AFF3: variants seen among roughly 807,000 people sequenced by gnomAD.
AFF3 encodes ALF transcription elongation factor 3.
Under a neutral mutation model 129.7 loss-of-function variants are expected in AFF3, and 32 were observed. The ratio of observed to expected loss-of-function variants is 0.25; its 90% CI spans 0.19 to 0.33. AFF3 has a LOEUF of 0.33. Ranked by LOEUF, AFF3 falls within the 10% of genes least tolerant of loss-of-function variation. The pLI is 1.00. For synonymous variants in AFF3, 644 were observed against 635.4 expected (o/e 1.01, Z -0.20); for missense variants, 1,373 against 1,592.0 (o/e 0.86, Z 2.34).
chr2:99,612,472 C>T (rs1256897235), intron 13 of AFF3, among the ~76,000 whole-genome samples: 1 of 152,124 alleles, frequency 6.6e-6, no homozygotes, highest in Non-Finnish European at 1.5e-5. Flanking sequence ...TACACAGCCT[C>T]GTGAGAAAAA....
chr2:100,058,288 T>C (rs1573289655), intron 4 of AFF3, among the ~76,000 whole-genome samples: 1 of 152,156 alleles, frequency 6.6e-6, no homozygotes, highest in Non-Finnish European at 1.5e-5. Context: ...TTACCACGGG[T>C]CTTCTGCACT....
chr2:99,957,169 ACGTGTGTGTGTG>A (rs759803082), intron 7 of AFF3, among the ~76,000 whole-genome samples: 4 of 148,680 alleles, frequency 2.7e-5, no homozygotes, highest in Non-Finnish European at 5.9e-5. Flanking sequence ...GTGTGCATGT[ACGTGTGTGTGTG>A]CGTGTGTGTG....
At chr2:99,996,561 T>C (rs1680852509) in intron 7 of AFF3, among the ~76,000 whole-genome samples, 2 of 147,194 alleles carry the variant, frequency 1.4e-5, no homozygotes, top group Admixed American at 1.4e-4. Context: ...TTTGTATTTT[T>C]AGTAGAGACG....
intron 11 of AFF3, among the ~76,000 whole-genome samples, chr2:99,693,521 T>C (rs1005684423): frequency 3.3e-5 from 5 of 152,144 alleles, no homozygotes; most frequent in African/African-American, 1.2e-4. Flanking sequence ...GAAGTCTAGA[T>C]GATTTCAGCC....
intron 8 of AFF3, among the ~76,000 whole-genome samples, chr2:99,787,893 T>C (rs532359731): frequency 1.3e-5 from 2 of 152,296 alleles, no homozygotes; most frequent in East Asian, 3.9e-4. Flanking sequence ...CTAGACAGCA[T>C]ATATGAAATC....
At chr2:99,996,380 T>C (rs1049304395) in intron 7 of AFF3, among the ~76,000 whole-genome samples, 2 of 152,052 alleles carry the variant, frequency 1.3e-5, no homozygotes, top group African/African-American at 4.8e-5. Context: ...GAACCACAGG[T>C]GATTTTTTTC....
intron 11 of AFF3, among the ~76,000 whole-genome samples, chr2:99,677,002 C>T (rs139893566): frequency 6.6e-6 from 1 of 152,260 alleles, no homozygotes; most frequent in Non-Finnish European, 1.5e-5. Context: ...CACGCGGTGG[C>T]TTGTTCCTGT....
At chr2:100,034,550 G>A (rs1383508854) in intron 4 of AFF3, among the ~76,000 whole-genome samples, 1 of 150,488 alleles carries the variant, frequency 6.6e-6, no homozygotes, top group African/African-American at 2.4e-5. Flanking sequence ...TTTTTAATCT[G>A]CAAAAACTAA....
At chr2:100,098,580 A>T (rs1690460841) in intron 4 of AFF3, among the ~76,000 whole-genome samples, 1 of 140,474 alleles carries the variant, frequency 7.1e-6, no homozygotes, top group Non-Finnish European at 1.5e-5. Context: ...CCCAAAATAG[A>T]TTCTTAGCAT....
chr2:99,711,664 C>T (rs933957389), intron 11 of AFF3, among the ~76,000 whole-genome samples: 4 of 152,186 alleles, frequency 2.6e-5, no homozygotes, highest in Admixed American at 6.5e-5. Flanking sequence ...AGACGCACAG[C>T]GAATGTATGT....
At chr2:100,077,352 T>G (rs916309510) in intron 4 of AFF3, among the ~76,000 whole-genome samples, 1 of 152,032 alleles carries the variant, frequency 6.6e-6, no homozygotes, top group African/African-American at 2.4e-5. Flanking sequence ...GTTAGACAAG[T>G]GAGGGCCAGA....
At chr2:100,006,490 C>A in intron 7 of AFF3, 142 bp downstream of exon 7, 1 of 1,070,940 alleles carries the variant, frequency 9.3e-7, no homozygotes, top group East Asian at 2.4e-5. Context: ...TCTGCCTCCC[C>A]TTTCAGTGAC....
intron 4 of AFF3, among the ~76,000 whole-genome samples, chr2:100,039,463 CAAG>C (rs1685245978): frequency 6.6e-6 from 1 of 151,974 alleles, no homozygotes; most frequent in Non-Finnish European, 1.5e-5. Context: ...GAGGCTGAGG[CAAG>C]AAGATCACTT....
At chr2:99,688,302 C>T (rs1675272365) in intron 11 of AFF3, among the ~76,000 whole-genome samples, 1 of 152,144 alleles carries the variant, frequency 6.6e-6, no homozygotes, top group South Asian at 2.1e-4. Context: ...CCATGTGCTG[C>T]CCATGGTAGT....
At chr2:100,016,419 A>G (rs1199774360) in intron 4 of AFF3, among the ~76,000 whole-genome samples, 7 of 103,416 alleles carry the variant, frequency 6.8e-5, no homozygotes, top group African/African-American at 2.4e-4. Context: ...TCATGGTGGT[A>G]GTGGTGGCAG....
intron 10 of AFF3, among the ~76,000 whole-genome samples, chr2:99,732,994 G>C (rs555821293): frequency 6.6e-6 from 1 of 151,986 alleles, no homozygotes; most frequent in African/African-American, 2.4e-5. Context: ...TTATTTTTTA[G>C]TATTAATTTC....
chr2:99,882,848 A>G (rs1692823914), intron 7 of AFF3, among the ~76,000 whole-genome samples: 1 of 152,206 alleles, frequency 6.6e-6, no homozygotes, highest in Non-Finnish European at 1.5e-5. Context: ...GCACATTTTG[A>G]CGGGCACATC....
At chr2:99,784,899 G>A (rs995080391) in intron 8 of AFF3, among the ~76,000 whole-genome samples, 6 of 152,216 alleles carry the variant, frequency 3.9e-5, no homozygotes. Flanking sequence ...CTGATCAGGA[G>A]GTTGTGTTCA....
rs556836314 is a variant in AFF3 at position 99,682,223 on chromosome 2, C to T, written c.1092-9634G>A. 7.2e-4 allele frequency among the ~76,000 whole-genome samples: 109 copies of T among 152,232 alleles called. No homozygotes were observed. In the South Asian group the frequency reaches 0.019, roughly 26 times the overall value. The stretch of plus-strand genomic sequence containing the variant: ...CACCTGGCCACTGCCTTAATTCTAA[C>T]GGAACTATCACCTTCCTATTAAAAT... On this transcript the variant is annotated intron_variant, in intron 11 of 24. Transcript: ENST00000672756.
Sources: allele counts gnomAD v4.1 joint callset (sites outside exome capture counted in the v4.1 genomes callset), GRCh38; gene constraint gnomAD v4.1.1; transcripts MANE v1.5; gene names NCBI Gene and HGNC (gene_info 2026-07-23, HGNC 2026-07-21).